Variants in UTRN observed in about 807,000 individuals in gnomAD.
UTRN encodes the protein utrophin.
In UTRN, 283 loss-of-function variants were observed where a neutral mutation model predicts 463.9. The ratio of observed to expected loss-of-function variants is 0.61; its 90% confidence interval spans 0.55 to 0.67. The LOEUF (loss-of-function observed/expected upper bound fraction) is 0.67, where lower values mean the gene tolerates loss of function less well. Ranked by LOEUF, UTRN falls within the 30% of genes least tolerant of loss-of-function variation. The pLI is 0.00. For missense variants in UTRN, 3,922 were observed against 4,084.3 expected (o/e 0.96, Z 1.08); for synonymous variants, 1,442 against 1,431.5 (o/e 1.01, Z -0.17).
At chr6:144,575,866 T>G (rs1351645375) in intron 50 of UTRN, among the ~76,000 whole-genome samples, 2 of 152,036 alleles carry the variant, frequency 1.3e-5, no homozygotes, top group Non-Finnish European at 2.9e-5. Context: ...TTCAGAAAAT[T>G]TATCATCCTC....
rs761272453 is a variant in UTRN, at chr6:144,554,908, A to T, written c.7134+15A>T. ...CTGATAACCAAGTAAGACTCATCAG[A>T]TATTTTTTGGCAGTATTGTTTTGTT... On this transcript the variant is annotated intron_variant, in intron 49 of 74. Coordinates refer to ENST00000367545, the MANE Select transcript of UTRN (RefSeq NM_007124.3). 7 of 1,613,294 alleles carry T rather than the reference A, an allele frequency of 4.3e-6. No homozygotes were observed. Among genetic ancestry groups the T allele is most frequent in the Non-Finnish European group, 1.7e-6 (2 of 1,179,664 alleles).
At position 144,436,077 on chromosome 6, in the gene UTRN, A is replaced by G. The variant is rs745747192; in HGVS notation, c.998A>G (p.Gln333Arg). The G allele has an allele frequency of 1.2e-6, 2 of 1,614,124 alleles. No individual in the cohort carries two copies. Among genetic ancestry groups the G allele is most frequent in the African/African-American group, 2.7e-5 (2 of 74,958 alleles). Residue 333 changes from glutamine to arginine, a missense_variant, in exon 10 of 75, where the codon CAG (glutamine) becomes CGG (arginine). Transcript: ENST00000367545. ...TTGCTTTCTGCTGAGGACACTTTCCAGGAGCAGGATGATATTTCTGATGAT... is the reference window on the plus strand; with the variant it reads ...TTGCTTTCTGCTGAGGACACTTTCCGGGAGCAGGATGATATTTCTGATGAT... ...TWLLSAEDTFQEQDDISDDVE... is the reference protein window; with the variant it reads ...TWLLSAEDTFREQDDISDDVE...
chr6:144,813,029 C>A (rs1778757032), intron 65 of UTRN, among the ~76,000 whole-genome samples: 2 of 152,018 alleles, frequency 1.3e-5, no homozygotes, highest in Non-Finnish European at 2.9e-5. Context: ...CATTAGCTTT[C>A]CAAAAATGAC....
intron 2 of UTRN, among the ~76,000 whole-genome samples, chr6:144,352,015 A>G (rs751979496): frequency 1.3e-5 from 2 of 151,750 alleles, no homozygotes; most frequent in Admixed American, 6.6e-5. Context: ...GCCCTGGCCT[A>G]TTTTCTTGTT....
chr6:144,629,592 A>T (rs1382411288), intron 51 of UTRN, among the ~76,000 whole-genome samples: 2 of 152,190 alleles, frequency 1.3e-5, no homozygotes, highest in East Asian at 1.9e-4. Flanking sequence ...GGAAGCAGGG[A>T]TGTTGCATCC....
intron 23 of UTRN, among the ~76,000 whole-genome samples, chr6:144,470,802 A>G (rs1436044227): frequency 1.3e-5 from 2 of 151,872 alleles, no homozygotes; most frequent in African/African-American, 4.8e-5. Flanking sequence ...AGGCTGGCAG[A>G]TCACTCTCGG....
At position 144,493,328 on chromosome 6, in the gene UTRN, A is replaced by G. The variant is rs1248989202; in HGVS notation, c.4465A>G (p.Lys1489Glu). 1 of 1,614,178 alleles carries G rather than the reference A, an allele frequency of 6.2e-7. No homozygotes were observed. Among genetic ancestry groups the G allele is most frequent in the Non-Finnish European group, 8.5e-7 (1 of 1,179,998 alleles). ...ACTGTATAAAACTTTGAGTGAAGTC[A>G]AACTTGAAGTGGAAACTGTGATTAA... is the stretch of plus-strand genomic sequence containing the variant. ...MKLYKTLSEVKLEVETVIKTG... is the reference protein window; with the variant it reads ...MKLYKTLSEVELEVETVIKTG... The change falls in exon 33 of 75, where the codon AAA (lysine) becomes GAA (glutamate). Residue 1489 changes from lysine (K) to glutamate (E), a missense_variant. Transcript: ENST00000367545.
At chr6:144,791,833 G>A (rs1776782170) in intron 62 of UTRN, among the ~76,000 whole-genome samples, 1 of 152,170 alleles carries the variant, frequency 6.6e-6, no homozygotes. Flanking sequence ...TACTTTAATA[G>A]TGGCATAGTG....
chr6:144,368,507 C>T (rs1349617471), intron 2 of UTRN, among the ~76,000 whole-genome samples: 1 of 152,162 alleles, frequency 6.6e-6, no homozygotes, highest in Non-Finnish European at 1.5e-5. Context: ...CTGGGTGGCT[C>T]AGGCCTGTAA....
chr6:144,345,588 T>G (rs1777497848), intron 2 of UTRN, among the ~76,000 whole-genome samples: 1 of 152,124 alleles, frequency 6.6e-6, no homozygotes, highest in Admixed American at 6.5e-5. Context: ...GGTGGGAGGA[T>G]AGCTTGAACC....
At position 144,577,205 on chromosome 6, in the gene UTRN, G is replaced by A. The variant is rs539737260; in HGVS notation, c.7396G>A (p.Val2466Met). The part of the protein sequence containing the change: ...LKWIQEAETT[V>M]NVLVDASHRE... ...GTGGATCCAAGAAGCAGAGACCACA[G>A]TGAATGTGCTTGTGGATGCCTCTCA... is the stretch of plus-strand genomic sequence containing the variant. The change falls in exon 51 of 75, where the codon GTG becomes ATG. Residue 2466 changes from valine (V) to methionine (M), a missense_variant. Physicochemically the swap from Val to Met is conservative, Grantham distance 21. Transcript: ENST00000367545. 7 of 1,614,006 alleles carry A rather than the reference G, an allele frequency of 4.3e-6. 1 individual carries two copies. Among genetic ancestry groups the A allele is most frequent in the Middle Eastern group, 3.3e-4 (2 of 6,052 alleles).
chr6:144,350,580 A>G lies in UTRN; in HGVS notation c.80-52543A>G, dbSNP rs562428529. On this transcript the variant is annotated intron_variant, in intron 2 of 74. Transcript: ENST00000367545. ...TCTACAACAGATGACATGTAGAGAGATGAAATGTAGTCTATAGTTGTTTGA... is the reference window on the plus strand; with the variant it reads ...TCTACAACAGATGACATGTAGAGAGGTGAAATGTAGTCTATAGTTGTTTGA... Among the ~76,000 whole-genome samples the G allele has an allele frequency of 1.3e-3, 191 of 152,244 alleles. 1 individual carries two copies. The highest frequency in any genetic ancestry group is 2.5e-3 in the Non-Finnish European group (167 of 68,044).
chr6:144,354,225 G>A (rs1438871891), intron 2 of UTRN, among the ~76,000 whole-genome samples: 3 of 152,152 alleles, frequency 2.0e-5, no homozygotes, highest in East Asian at 3.8e-4. Flanking sequence ...TGACAATAAC[G>A]ATATGCTTGT....
At chr6:144,620,715 T>C (rs1775272607) in intron 51 of UTRN, among the ~76,000 whole-genome samples, 1 of 152,176 alleles carries the variant, frequency 6.6e-6, no homozygotes, top group Admixed American at 6.6e-5. Flanking sequence ...ACAAACTCTT[T>C]ACTTTTTTTC....
At chr6:144,757,896 A>G (rs1425620655) in intron 57 of UTRN, 33 bp from the exon 58 acceptor site, 6 of 1,592,838 alleles carry the variant, frequency 3.8e-6, no homozygotes, top group African/African-American at 1.4e-5. Flanking sequence ...TTTGGTTTCC[A>G]ACGTTTCCAA....
intron 2 of UTRN, among the ~76,000 whole-genome samples, chr6:144,335,791 C>A (rs1776672444): frequency 6.6e-6 from 1 of 152,170 alleles, no homozygotes; most frequent in Non-Finnish European, 1.5e-5. Context: ...TAATATCATC[C>A]TGGAACTGTC....
rs961471302 is a variant in UTRN at position 144,803,119 on chromosome 6, A to T, written c.9329A>T (p.His3110Leu). The change falls in exon 65 of 75, where the codon CAT becomes CTT. Residue 3110 changes from histidine (H) to leucine (L), a missense_variant. By Grantham distance (99) the His-to-Leu change is moderately conservative. Transcript: ENST00000367545. ...CGAACAGCAAAAGGTCACAAATTAC[A>T]TTACCCAATGGTGGAATATTGTATA... Reference protein sequence around the residue: ...SGRTAKGHKLHYPMVEYCIPT... With the variant: ...SGRTAKGHKLLYPMVEYCIPT... 1 of 1,593,974 alleles carries T rather than the reference A, an allele frequency of 6.3e-7. No individual in the cohort carries two copies. The highest frequency in any genetic ancestry group is 1.8e-5 in the Admixed American group (1 of 56,670).
chr6:144,778,703 C>CT (rs1217594716), intron 60 of UTRN, among the ~76,000 whole-genome samples: 2 of 152,046 alleles, frequency 1.3e-5, no homozygotes, highest in Non-Finnish European at 2.9e-5. Flanking sequence ...AGATTGGATG[C>CT]TTAACAGTGT....
chr6:144,483,187 G>A (rs1373497613), intron 27 of UTRN, among the ~76,000 whole-genome samples: 3 of 151,940 alleles, frequency 2.0e-5, no homozygotes, highest in Non-Finnish European at 2.9e-5. Context: ...AAATTCATTC[G>A]TTTCTTGTTC....
Sources: allele counts gnomAD v4.1 joint callset (sites outside exome capture counted in the v4.1 genomes callset), GRCh38; gene constraint gnomAD v4.1.1; transcripts MANE v1.5; gene names NCBI Gene and HGNC (gene_info 2026-07-23, HGNC 2026-07-21).